Variants in ZMYND8 observed in about 807,000 individuals in gnomAD.
ZMYND8 encodes MYND-type zinc finger-containing chromatin reader ZMYND8.
ZMYND8 carries 37 observed loss-of-function variants against 140.8 expected under a neutral mutation model. That is an observed-to-expected ratio of 0.26 (90% CI 0.20 to 0.35). The LOEUF (loss-of-function observed/expected upper bound fraction) is 0.35. Ranked by LOEUF, ZMYND8 falls within the 10% of genes least tolerant of loss-of-function variation. ZMYND8 has a pLI of 1.00. For synonymous variants in ZMYND8, 592 were observed against 597.1 expected (o/e 0.99, Z 0.12); for missense variants, 1,068 against 1,570.0 (o/e 0.68, Z 5.40).
intron 2 of ZMYND8, among the ~76,000 whole-genome samples, chr20:47,312,571 C>A (rs150258410): frequency 6.6e-6 from 1 of 152,064 alleles, no homozygotes; most frequent in East Asian, 1.9e-4. Flanking sequence ...GGAAAACTCA[C>A]GAAAGAGACA....
rs184765070 is a variant in ZMYND8, at chr20:47,313,359, A to G, written c.86-3155T>C. 6.6e-3 allele frequency among the ~76,000 whole-genome samples: 1,012 copies of G among 152,314 alleles called. 9 individuals are homozygous for G. Among genetic ancestry groups the G allele is most frequent in the Non-Finnish European group, 8.3e-3 (562 of 68,028 alleles). On this transcript the variant is annotated intron_variant, in intron 2 of 22. Transcript: ENST00000471951. ...GGCTGGAGGCCGGGCGCAGTGGCTC[A>G]CGCCTGTAATCCCAGCACTTTGGGA...
chr20:47,337,439 G>C (rs1468778306), intron 2 of ZMYND8, among the ~76,000 whole-genome samples: 2 of 152,202 alleles, frequency 1.3e-5, no homozygotes, highest in African/African-American at 2.4e-5. Context: ...AGCCGAGGTA[G>C]GTGGATCCCT....
chr20:47,317,058 T>C (rs917013361), intron 2 of ZMYND8, among the ~76,000 whole-genome samples: 1 of 152,134 alleles, frequency 6.6e-6, no homozygotes, highest in African/African-American at 2.4e-5. Flanking sequence ...GAGGGCCTCA[T>C]CCTCAGCCCT....
intron 21 of ZMYND8, among the ~76,000 whole-genome samples, chr20:47,215,127 G>C (rs549442910): frequency 2.2e-3 from 334 of 152,246 alleles, no homozygotes; most frequent in African/African-American, 7.8e-3. Context: ...AATCCAAGCA[G>C]TCTGGGAGGC....
At chr20:47,290,658 C>A (rs2077204705) in intron 6 of ZMYND8, among the ~76,000 whole-genome samples, 1 of 119,876 alleles carries the variant, frequency 8.3e-6, no homozygotes, top group African/African-American at 3.3e-5. Flanking sequence ...ATGGCGTGAT[C>A]TCGGCTCACT....
At chr20:47,345,124 A>G (rs1249002163) in intron 2 of ZMYND8, among the ~76,000 whole-genome samples, 1 of 152,160 alleles carries the variant, frequency 6.6e-6, no homozygotes, top group Non-Finnish European at 1.5e-5. Context: ...CACTCTAGCC[A>G]GGACAGTGCA....
chr20:47,340,591 C>G (rs188816155), intron 2 of ZMYND8, among the ~76,000 whole-genome samples: 4 of 151,570 alleles, frequency 2.6e-5, no homozygotes, highest in African/African-American at 9.7e-5. Context: ...ATCAGGAGTT[C>G]GAGACCAGCC....
At chr20:47,221,041 A>C (rs533647350) in intron 20 of ZMYND8, among the ~76,000 whole-genome samples, 1 of 152,334 alleles carries the variant, frequency 6.6e-6, no homozygotes, top group Non-Finnish European at 1.5e-5. Flanking sequence ...CTGGACGGGA[A>C]GTACAGAACA....
intron 1 of ZMYND8, chr20:47,351,591 G>C (rs1263975362): frequency 1.1e-6 from 1 of 879,822 alleles, no homozygotes; most frequent in Non-Finnish European, 1.4e-6. Flanking sequence ...TCCTCTTCTA[G>C]ATTACAAAAT....
At chr20:47,309,767 G>GAA (rs771877520) in intron 3 of ZMYND8, among the ~76,000 whole-genome samples, 172 of 139,446 alleles carry the variant, frequency 1.2e-3, no homozygotes, top group African/African-American at 4.1e-3. Flanking sequence ...CTAAAAGCAT[G>GAA]AAAAAAAAAA....
intron 3 of ZMYND8, among the ~76,000 whole-genome samples, chr20:47,299,172 G>C: frequency 6.6e-6 from 1 of 152,144 alleles, no homozygotes; most frequent in East Asian, 1.9e-4. Context: ...ATTAAAAGCT[G>C]GTATCTAAGA....
chr20:47,249,763 G>T (rs1002721240), intron 12 of ZMYND8, among the ~76,000 whole-genome samples: 2 of 152,148 alleles, frequency 1.3e-5, no homozygotes, highest in Non-Finnish European at 2.9e-5. Context: ...AAAGACAAAG[G>T]TTATGGGCAG....
At chr20:47,226,188 C>G (rs1210951799) in intron 18 of ZMYND8, among the ~76,000 whole-genome samples, 5 of 149,650 alleles carry the variant, frequency 3.3e-5, no homozygotes, top group Non-Finnish European at 7.4e-5. Context: ...GAAGCAACAA[C>G]ACCCAAATCA....
At position 47,255,689 on chromosome 20, in the gene ZMYND8, G is replaced by GTGTA. The variant is rs1249680842; in HGVS notation, c.1622-6251_1622-6250insTACA. On this transcript the variant is annotated intron_variant, in intron 12 of 22. Coordinates refer to ENST00000471951, the MANE Select transcript of ZMYND8 (RefSeq NM_001281775.3). ...ATGTATATGGTGTATGTGTGTGTGT[G>GTGTA]TATATATATATATATATATACCGTG... Among the ~76,000 whole-genome samples the GTGTA allele has an allele frequency of 2.7e-4, 28 of 103,178 alleles. 2 individuals are homozygous for GTGTA. The highest frequency in any genetic ancestry group is 7.8e-4 in the African/African-American group (19 of 24,216). The allele number at this position is 103,178 out of a possible 152,430, so 67.7% of individuals were successfully genotyped here.
chr20:47,285,527 G>T (rs115663972), intron 8 of ZMYND8, among the ~76,000 whole-genome samples: 4 of 152,264 alleles, frequency 2.6e-5, no homozygotes, highest in African/African-American at 9.6e-5. Context: ...CACATCGTTG[G>T]GGCAGGGGGG....
intron 1 of ZMYND8, 93 bp from the exon 2 acceptor site, chr20:47,348,019 T>A: frequency 8.3e-7 from 1 of 1,199,276 alleles, no homozygotes; most frequent in Non-Finnish European, 1.2e-6. Flanking sequence ...AAACACACCT[T>A]AAAGACATTC....
chr20:47,352,518 A>C (rs1033281236), intron 1 of ZMYND8: 1 of 985,488 alleles, frequency 1.0e-6, no homozygotes, highest in Admixed American at 6.1e-5. Context: ...AGAGCCTGAG[A>C]ATTAACAATG....
At position 47,302,400 on chromosome 20, in the gene ZMYND8, T is replaced by C. The variant is rs1256777981; in HGVS notation, c.235-3453A>G. 2.0e-5 allele frequency among the ~76,000 whole-genome samples: 3 copies of C among 152,108 alleles called. No individual in the cohort carries two copies. The East Asian group carries it at 5.8e-4, about 29-fold the overall frequency. On this transcript the variant is annotated intron_variant, in intron 3 of 22. Transcript: ENST00000471951. ...AGAATCGCTTCAACTCAGGTTGCAG[T>C]GAGCCAAGATTACACCACTGCACTC... is the stretch of plus-strand genomic sequence containing the variant.
At chr20:47,249,197 G>T in intron 13 of ZMYND8, 90 bp downstream of exon 13, 1 of 1,471,206 alleles carries the variant, frequency 6.8e-7, no homozygotes, top group Non-Finnish European at 9.2e-7. Context: ...AAGCAGCCAG[G>T]ATTCAACCTT....
Sources: gnomAD v4.1 joint callset for allele counts (sites outside exome capture counted in the v4.1 genomes callset) on GRCh38, gnomAD v4.1.1 for gene constraint, MANE v1.5 for transcripts, NCBI Gene and HGNC (gene_info 2026-07-23, HGNC 2026-07-21) for gene names.